The following CLIP4 variants were observed in gnomAD, a reference collection of about 807,000 sequenced individuals.
The protein encoded by CLIP4 is CAP-Gly domain containing linker protein family member 4, also known as CAP-Gly domain-containing linker protein 4.
In CLIP4, 47 loss-of-function variants were observed where a neutral mutation model predicts 73.1. The observed-to-expected ratio is 0.64, with a 90% CI of 0.51 to 0.82. CLIP4 has a LOEUF of 0.82. Among genes scored for constraint, CLIP4 ranks in the 40% least tolerant of loss-of-function variants. The pLI is 0.00. For missense variants in CLIP4, 874 were observed against 852.9 expected, an observed-to-expected ratio of 1.02 and a Z score of -0.31; for synonymous variants, 306 against 295.4, an observed-to-expected ratio of 1.04 and a Z score of -0.37.
intron 2 of CLIP4, among the ~76,000 whole-genome samples, chr2:29,125,715 CTGTCTTTCATTGTCTAACATCCCG>C (rs1438875371): frequency 2.6e-5 from 4 of 152,206 alleles, no homozygotes; most frequent in Non-Finnish European, 4.4e-5. Flanking sequence ...TCAGAGATCA[CTGTCTTTCATTGTCTAACATCCCG>C]TGTCTTGAAA....
At chr2:29,132,839 T>C (rs1665073728) in intron 4 of CLIP4, among the ~76,000 whole-genome samples, 1 of 152,110 alleles carries the variant, frequency 6.6e-6, no homozygotes, top group African/African-American at 2.4e-5. Flanking sequence ...TAAAAATGAA[T>C]TTATAATACA....
At chr2:29,170,181 A>G (rs563063062) in intron 14 of CLIP4, among the ~76,000 whole-genome samples, 147 of 152,212 alleles carry the variant, frequency 9.7e-4, no homozygotes, top group Non-Finnish European at 1.6e-3. Flanking sequence ...GGTTGATTCT[A>G]TATCTTGGCT....
chr2:29,158,249 C>A (rs1386829881), intron 11 of CLIP4, among the ~76,000 whole-genome samples: 1 of 152,194 alleles, frequency 6.6e-6, no homozygotes, highest in Non-Finnish European at 1.5e-5. Context: ...TGAGAAGGTA[C>A]AGTGCTGACA....
In CLIP4 at chr2:29,157,313, C is replaced by G; in HGVS notation, c.1365C>G (p.Ser455Arg). 1 of 1,614,114 alleles carries G rather than the reference C, an allele frequency of 6.2e-7. No homozygotes were observed. The highest frequency in any genetic ancestry group is 8.5e-7 in the Non-Finnish European group (1 of 1,179,970). Residue 455 changes from serine (S) to arginine (R), a missense_variant, in exon 11 of 16, where the codon AGC becomes AGG. Coordinates refer to ENST00000320081, the MANE Select transcript of CLIP4 (RefSeq NM_024692.6). ...TCAGCAGTAACAAGAAGACAATGAG[C>G]AAAAGCCCTTCCCTTTCATCCAGAG... Reference protein sequence around the residue: ...NAISSNKKTMSKSPSLSSRAS... With the variant: ...NAISSNKKTMRKSPSLSSRAS...
intron 15 of CLIP4, among the ~76,000 whole-genome samples, chr2:29,179,821 T>C (rs1668546406): frequency 6.6e-6 from 1 of 152,224 alleles, no homozygotes; most frequent in South Asian, 2.1e-4. Context: ...AGGTATTACA[T>C]GTTTCTTTAT....
chr2:29,160,328 A>C lies in CLIP4; in HGVS notation c.1400-5A>C. On this transcript the variant is annotated splice_polypyrimidine_tract_variant and splice_region_variant and intron_variant, in intron 11 of 15. Coordinates refer to ENST00000320081, the MANE Select transcript of CLIP4 (RefSeq NM_024692.6). ...TGCCCCTGTATCCCTCCCTGACTTA[A>C]ACAGGTTTGAATTCCTCAGCAACAT... The C allele has an allele frequency of 6.2e-7, 1 of 1,613,960 alleles. No homozygotes were observed. The highest frequency in any genetic ancestry group is 8.5e-7 in the Non-Finnish European group (1 of 1,179,948).
chr2:29,131,907 G>A, intron 3 of CLIP4: 1 of 445,456 alleles, frequency 2.2e-6, no homozygotes. Flanking sequence ...AACATATTTG[G>A]AGTGCCAGAT....
chr2:29,131,203 A>C, intron 2 of CLIP4, 55 bp from the exon 3 acceptor site: 1 of 1,352,784 alleles, frequency 7.4e-7, no homozygotes. Context: ...TATTATTTTC[A>C]ATATATTTAT....
chr2:29,146,730 T>C (rs1291090989), intron 8 of CLIP4, among the ~76,000 whole-genome samples: 1 of 152,186 alleles, frequency 6.6e-6, no homozygotes, highest in African/African-American at 2.4e-5. Context: ...TGTGATTCGA[T>C]TTCTTTACTT....
intron 10 of CLIP4, 152 bp from the exon 11 acceptor site, chr2:29,157,052 C>T: frequency 3.1e-6 from 2 of 644,762 alleles, no homozygotes; most frequent in South Asian, 3.8e-5. Context: ...ACTACAATTG[C>T]TATTTGGATG....
At chr2:29,102,629 T>TTC (rs1304878429) in intron 1 of CLIP4, among the ~76,000 whole-genome samples, 1 of 151,742 alleles carries the variant, frequency 6.6e-6, no homozygotes, top group Non-Finnish European at 1.5e-5. Context: ...TCCTTTTCTT[T>TTC]TCTTTTTTTT....
intron 15 of CLIP4, among the ~76,000 whole-genome samples, chr2:29,179,076 T>G (rs1303085395): frequency 6.6e-6 from 1 of 152,268 alleles, no homozygotes; most frequent in Non-Finnish European, 1.5e-5. Context: ...ATTATAGGCA[T>G]GAGCCACTGC....
chr2:29,138,817 A>G (rs944727964), intron 6 of CLIP4, among the ~76,000 whole-genome samples: 2 of 152,162 alleles, frequency 1.3e-5, no homozygotes, highest in African/African-American at 4.8e-5. Context: ...ATTGGTGTAT[A>G]GAAATGCTAC....
chr2:29,146,021 G>A (rs1188976330), intron 8 of CLIP4, among the ~76,000 whole-genome samples: 1 of 152,232 alleles, frequency 6.6e-6, no homozygotes, highest in East Asian at 1.9e-4. Flanking sequence ...AGGTTTAGGA[G>A]GGTGTCTGGT....
Position 29,135,536 on chromosome 2 carries a change from G to A in CLIP4, c.530-12G>A. ...AACTTTTAGTTAATATACTTATGAT[G>A]TTTAATTGCAGATGTGGATGCCACT... On this transcript the variant is annotated splice_polypyrimidine_tract_variant and intron_variant, in intron 5 of 15. Transcript: ENST00000320081. The A allele has an allele frequency of 6.3e-7, 1 of 1,577,930 alleles. No individual in the cohort carries two copies. Among genetic ancestry groups the A allele is most frequent in the Middle Eastern group, 1.7e-4 (1 of 5,954 alleles).
chr2:29,173,221 A>G (rs144286863), intron 14 of CLIP4, among the ~76,000 whole-genome samples: 1,580 of 152,340 alleles, frequency 0.01, 28 homozygotes, highest in African/African-American at 0.036. Context: ...TCTCTGCAAC[A>G]TATTTTTGTA....
At chr2:29,175,961 CTG>C (rs1247840058) in intron 15 of CLIP4, among the ~76,000 whole-genome samples, 1 of 152,264 alleles carries the variant, frequency 6.6e-6, no homozygotes, top group Middle Eastern at 3.4e-3. Context: ...CGGGATTTCA[CTG>C]TGTTAGCCAG....
intron 1 of CLIP4, among the ~76,000 whole-genome samples, chr2:29,105,589 CTT>C (rs1177144600): frequency 3.3e-5 from 5 of 152,222 alleles, no homozygotes; most frequent in Non-Finnish European, 5.9e-5. Flanking sequence ...TCCAGCCTGA[CTT>C]TGCAGCTCAT....
intron 13 of CLIP4, among the ~76,000 whole-genome samples, chr2:29,165,797 A>G (rs769442485): frequency 4.9e-4 from 74 of 152,236 alleles, no homozygotes; most frequent in Middle Eastern, 3.4e-3. Flanking sequence ...TTCCTAGTTC[A>G]GTGGTTTTAT....
Sources: allele counts gnomAD v4.1 joint callset (sites outside exome capture counted in the v4.1 genomes callset), GRCh38; gene constraint gnomAD v4.1.1; transcripts MANE v1.5; gene names NCBI Gene and HGNC (gene_info 2026-07-23, HGNC 2026-07-21).